CYP39A1: variants seen among roughly 807,000 people sequenced by gnomAD.
The protein encoded by CYP39A1 is 24-hydroxycholesterol 7-alpha-hydroxylase.
A neutral mutation model predicts 58.1 loss-of-function variants in CYP39A1; 49 were observed. The observed-to-expected ratio is 0.84, with a 90% CI of 0.67 to 1.07. CYP39A1 has a LOEUF of 1.07. Ranked by LOEUF, CYP39A1 falls within the 50% of genes least tolerant of loss-of-function variation. The pLI is 0.00. For synonymous variants in CYP39A1, 209 were observed against 187.6 expected (o/e 1.11, Z -0.93); for missense variants, 531 against 539.4 (o/e 0.98, Z 0.16).
Position 46,596,059 on chromosome 6 carries a change from A to G in CYP39A1, c.993T>C (p.Cys331=), listed in dbSNP as rs2150524053. 6.2e-7 allele frequency: 1 copy of G among 1,611,718 alleles called. No homozygotes were observed. ...CTTTTAAACGAATGGTTTCCAAAAC[A>G]CACCATTTAATTAGAAGGAGATTCT... ...DLENLLLIKW[C]VLETIRLKAP... is the part of the protein sequence containing the mutation. Residue 331 remains cysteine (C), a synonymous_variant, in exon 8 of 12, where the codon TGT becomes TGC. Coordinates refer to ENST00000275016, the MANE Select transcript of CYP39A1 (RefSeq NM_016593.5).
chr6:46,561,750 T>A (rs1352267131), intron 10 of CYP39A1, among the ~76,000 whole-genome samples: 1 of 152,086 alleles, frequency 6.6e-6, no homozygotes, highest in Non-Finnish European at 1.5e-5. Context: ...ACTTCCTGGA[T>A]CCCTAAAATA....
chr6:46,558,994 C>CAAA (rs35310827), intron 10 of CYP39A1, among the ~76,000 whole-genome samples: 4 of 49,074 alleles, frequency 8.2e-5, no homozygotes, highest in East Asian at 7.0e-4. Flanking sequence ...GACTCCATCT[C>CAAA]AAAAAAAAAA....
intron 7 of CYP39A1, among the ~76,000 whole-genome samples, chr6:46,597,700 T>C (rs1773250818): frequency 6.6e-6 from 1 of 152,032 alleles, no homozygotes; most frequent in African/African-American, 2.4e-5. Flanking sequence ...GTGAGACATA[T>C]GTGATGGAAC....
intron 7 of CYP39A1, 57 bp from the exon 8 acceptor site, chr6:46,596,177 C>T (rs1773146251): frequency 1.5e-6 from 2 of 1,369,268 alleles, no homozygotes; most frequent in Admixed American, 2.1e-5. Context: ...AAAGTGATTT[C>T]ACGTAAGCTC....
intron 10 of CYP39A1, among the ~76,000 whole-genome samples, chr6:46,581,601 T>C (rs1426948539): frequency 1.3e-5 from 2 of 151,996 alleles, no homozygotes; most frequent in Admixed American, 1.3e-4. Flanking sequence ...CACTTACAAG[T>C]GGGAGCTAAA....
chr6:46,652,017 C>T (rs904790267), intron 1 of CYP39A1, among the ~76,000 whole-genome samples: 5 of 152,202 alleles, frequency 3.3e-5, no homozygotes, highest in Non-Finnish European at 7.3e-5. Flanking sequence ...TTGTACAATA[C>T]TTTGGTGTTA....
intron 7 of CYP39A1, among the ~76,000 whole-genome samples, chr6:46,603,042 T>G (rs1773614825): frequency 6.6e-6 from 1 of 152,182 alleles, no homozygotes; most frequent in Non-Finnish European, 1.5e-5. Context: ...ATATCATTTT[T>G]ACACCTACAA....
chr6:46,630,857 C>A (rs1011681456), intron 6 of CYP39A1, 106 bp downstream of exon 6: 8 of 904,116 alleles, frequency 8.8e-6, no homozygotes, highest in Non-Finnish European at 1.2e-5. Context: ...TTTTCTTTTC[C>A]ATAATGAGTG....
chr6:46,564,172 TC>T (rs1771151549), intron 10 of CYP39A1, among the ~76,000 whole-genome samples: 1 of 129,778 alleles, frequency 7.7e-6, no homozygotes, highest in African/African-American at 3.9e-5. Flanking sequence ...TCTATTTTAT[TC>T]TATTTTATTC....
chr6:46,613,374 G>A (rs933851905), intron 7 of CYP39A1, among the ~76,000 whole-genome samples: 4 of 152,186 alleles, frequency 2.6e-5, no homozygotes, highest in Admixed American at 6.5e-5. Flanking sequence ...CACACAATTA[G>A]TGAGTGACAA....
At chr6:46,629,918 G>A (rs187875090) in intron 6 of CYP39A1, among the ~76,000 whole-genome samples, 1 of 151,666 alleles carries the variant, frequency 6.6e-6, no homozygotes, top group Admixed American at 6.6e-5. Flanking sequence ...CTAATCTAAT[G>A]CAAGACAGAT....
Position 46,596,021 on chromosome 6 carries a change from A to G in CYP39A1, c.1031T>C (p.Ile344Thr). Residue 344 changes from isoleucine to threonine, a missense_variant, in exon 8 of 12, where the codon ATT becomes ACT. Transcript: ENST00000275016. ...CACAGGCTTCACCACTTTTCTAGTA[A>G]TGACACCAGGAGCTTTTAAACGAAT... ...ETIRLKAPGV[I>T]TRKVVKPVEI... is the part of the protein sequence containing the mutation. The G allele has an allele frequency of 6.2e-7, 1 of 1,611,478 alleles. No individual in the cohort carries two copies. Among genetic ancestry groups the G allele is most frequent in the Non-Finnish European group, 8.5e-7 (1 of 1,178,838 alleles).
Position 46,637,577 on chromosome 6 carries a change from G to A in CYP39A1, c.638+252C>T, listed in dbSNP as rs568382844. On this transcript the variant is annotated intron_variant, in intron 4 of 11. Coordinates refer to ENST00000275016, the MANE Select transcript of CYP39A1 (RefSeq NM_016593.5). ...ATAAAAAGCTGTACATGGGATAAAA[G>A]ACCTCAAAATAAATTCTTAATCCCA... 9.9e-5 allele frequency among the ~76,000 whole-genome samples: 15 copies of A among 152,276 alleles called. No homozygotes were observed. In the East Asian group the frequency reaches 2.9e-3, roughly 29 times the overall value.
intron 1 of CYP39A1, among the ~76,000 whole-genome samples, chr6:46,648,669 A>G (rs1017802198): frequency 1.3e-5 from 2 of 152,122 alleles, no homozygotes; most frequent in Non-Finnish European, 1.5e-5. Context: ...AAAGTATAAT[A>G]ATAAAAAAAA....
At chr6:46,563,134 T>G (rs2150485551) in intron 10 of CYP39A1, among the ~76,000 whole-genome samples, 1 of 150,448 alleles carries the variant, frequency 6.6e-6, no homozygotes. Flanking sequence ...AAAAAAATAC[T>G]GTTTTTTAAA....
At chr6:46,646,649 A>C (rs1180123007) in intron 1 of CYP39A1, among the ~76,000 whole-genome samples, 3 of 152,074 alleles carry the variant, frequency 2.0e-5, no homozygotes, top group Non-Finnish European at 4.4e-5. Context: ...ATTCTTTTTT[A>C]AACATTTGGT....
At chr6:46,602,294 A>C (rs1773559280) in intron 7 of CYP39A1, among the ~76,000 whole-genome samples, 1 of 152,182 alleles carries the variant, frequency 6.6e-6, no homozygotes, top group East Asian at 1.9e-4. Context: ...AGAATGTAAA[A>C]ATCTTTAAGT....
chr6:46,586,666 A>G (rs1772487951), intron 10 of CYP39A1, among the ~76,000 whole-genome samples: 1 of 152,138 alleles, frequency 6.6e-6, no homozygotes, highest in Non-Finnish European at 1.5e-5. Flanking sequence ...CCACCTAGTA[A>G]GTGCCTGCTA....
intron 1 of CYP39A1, among the ~76,000 whole-genome samples, chr6:46,642,873 C>T (rs1434669857): frequency 6.6e-6 from 1 of 152,154 alleles, no homozygotes; most frequent in African/African-American, 2.4e-5. Flanking sequence ...AATCAAGTAG[C>T]GGTCTCAGTT....
Sources: allele counts gnomAD v4.1 joint callset (sites outside exome capture counted in the v4.1 genomes callset), GRCh38; gene constraint gnomAD v4.1.1; transcripts MANE v1.5; gene names NCBI Gene and HGNC (gene_info 2026-07-23, HGNC 2026-07-21).